Variants in ACBD3 observed in about 807,000 individuals in gnomAD.
ACBD3 encodes acyl-CoA binding domain containing 3.
ACBD3 carries 30 observed loss-of-function variants against 66.9 expected under a neutral mutation model. The ratio of observed to expected loss-of-function variants is 0.45; its 90% confidence interval spans 0.34 to 0.61. The LOEUF (loss-of-function observed/expected upper bound fraction) is 0.61. Ranked by LOEUF, ACBD3 falls within the 20% of genes least tolerant of loss-of-function variation. The pLI, the probability that ACBD3 is intolerant of heterozygous loss-of-function variation, is 0.02. For missense variants in ACBD3, 544 were observed against 664.5 expected (o/e 0.82, Z 1.99); for synonymous variants, 278 against 259.8 (o/e 1.07, Z -0.68).
intron 3 of ACBD3, among the ~76,000 whole-genome samples, chr1:226,161,984 C>T (rs1659783328): frequency 1.3e-5 from 2 of 152,150 alleles, no homozygotes; most frequent in South Asian, 4.1e-4. Flanking sequence ...AATATATGCT[C>T]ACAGCACTAA....
chr1:226,175,091 C>CAAAAAAAA (rs35201518), intron 1 of ACBD3, among the ~76,000 whole-genome samples: 8 of 75,984 alleles, frequency 1.1e-4, no homozygotes, highest in Admixed American at 1.6e-4. Context: ...GACTCCATCT[C>CAAAAAAAA]AAAAAAAAAA....
Position 226,172,155 on chromosome 1 carries a change from C to CAAAAAAAAAAAAAAAAAAA in ACBD3, c.287-6156_287-6155insTTTTTTTTTTTTTTTTTTT, listed in dbSNP as rs779380166. 4.4e-4 allele frequency among the ~76,000 whole-genome samples: 19 copies of CAAAAAAAAAAAAAAAAAAA among 43,220 alleles called. 3 individuals carry two copies. The East Asian group carries it at 0.019, about 43-fold the overall frequency. The allele number at this position is 43,220 out of a possible 152,430, so 28.4% of individuals were successfully genotyped here. Reference sequence around the variant, plus strand: ...GGGAAACAAGAGCAAAACTCCATCTCAAAAAAAAAAAAAAAGAGGAATACA... The same window carrying CAAAAAAAAAAAAAAAAAAA: ...GGGAAACAAGAGCAAAACTCCATCTCAAAAAAAAAAAAAAAAAAAAAAAAAAAAAAAAAAGAGGAATACA... On this transcript the variant is annotated intron_variant, in intron 1 of 7. Transcript: ENST00000366812.
chr1:226,174,235 G>A (rs897973052), intron 1 of ACBD3, among the ~76,000 whole-genome samples: 1 of 152,032 alleles, frequency 6.6e-6, no homozygotes, highest in Non-Finnish European at 1.5e-5. Flanking sequence ...TCCCAGAAGG[G>A]AACACAAGCA....
At chr1:226,149,132 T>G (rs1456483999) in intron 7 of ACBD3, among the ~76,000 whole-genome samples, 4 of 152,168 alleles carry the variant, frequency 2.6e-5, no homozygotes, top group African/African-American at 9.7e-5. Context: ...GACTAGGCAG[T>G]AACCACCTTT....
intron 7 of ACBD3, among the ~76,000 whole-genome samples, chr1:226,151,233 G>T (rs925090276): frequency 6.6e-6 from 1 of 152,148 alleles, no homozygotes; most frequent in Non-Finnish European, 1.5e-5. Context: ...AGAACAAGCA[G>T]TCTGTTTACA....
intron 7 of ACBD3, among the ~76,000 whole-genome samples, chr1:226,151,354 G>A (rs1035689918): frequency 6.6e-6 from 1 of 152,150 alleles, no homozygotes; most frequent in African/African-American, 2.4e-5. Flanking sequence ...TAAATTAAGT[G>A]CTTATTAAGT....
chr1:226,179,990 G>A (rs1263783263), intron 1 of ACBD3, among the ~76,000 whole-genome samples: 1 of 151,964 alleles, frequency 6.6e-6, no homozygotes, highest in Non-Finnish European at 1.5e-5. Flanking sequence ...AGCCAACATA[G>A]TGAAACCCTG....
At chr1:226,170,624 T>C (rs1210179974) in intron 1 of ACBD3, among the ~76,000 whole-genome samples, 2 of 152,146 alleles carry the variant, frequency 1.3e-5, no homozygotes, top group Admixed American at 6.6e-5. Flanking sequence ...CACAAAATTT[T>C]TTTTTGCTGC....
At chr1:226,168,242 C>T (rs2102784203) in intron 1 of ACBD3, among the ~76,000 whole-genome samples, 1 of 152,260 alleles carries the variant, frequency 6.6e-6, no homozygotes, top group Middle Eastern at 3.4e-3. Context: ...CTCAAAATAT[C>T]TGAATGTATT....
At chr1:226,161,760 G>C in intron 3 of ACBD3, 71 bp from the exon 4 acceptor site, 4 of 1,480,522 alleles carry the variant, frequency 2.7e-6, no homozygotes, top group Non-Finnish European at 3.6e-6. Context: ...TAGCTCCCAG[G>C]GAAAACTGAC....
chr1:226,171,687 G>A (rs1374910265), intron 1 of ACBD3, among the ~76,000 whole-genome samples: 6 of 151,622 alleles, frequency 4.0e-5, no homozygotes, highest in South Asian at 2.1e-4. Flanking sequence ...ACAGGTGTGC[G>A]CCACCGTGCC....
intron 1 of ACBD3, among the ~76,000 whole-genome samples, chr1:226,176,915 G>A (rs964471287): frequency 6.6e-6 from 1 of 152,140 alleles, no homozygotes; most frequent in Non-Finnish European, 1.5e-5. Flanking sequence ...TAGATAAATT[G>A]TTAGAAATTG....
chr1:226,170,333 A>ATTTTTTTTTT (rs71574563), intron 1 of ACBD3, among the ~76,000 whole-genome samples: 1 of 109,846 alleles, frequency 9.1e-6, no homozygotes, highest in Admixed American at 1.1e-4. Context: ...AATTTTTTGA[A>ATTTTTTTTTT]TTTTTTTTTT....
At chr1:226,160,195 G>A (rs565808985) in intron 4 of ACBD3, among the ~76,000 whole-genome samples, 6 of 151,580 alleles carry the variant, frequency 4.0e-5, no homozygotes, top group East Asian at 1.9e-4. Flanking sequence ...AGGTTCAAGC[G>A]ATTCTCCTGC....
rs1389500005 is a variant in ACBD3, at chr1:226,145,932, G to C, written c.*678C>G. The stretch of plus-strand genomic sequence containing the variant: ...GGATTCAAAGTTTGTGGAAGTTCCT[G>C]AAGAAAAATCTCTGAGGTGTTCTAC... On this transcript the variant is annotated 3_prime_UTR_variant, in exon 8 of 8. Coordinates refer to ENST00000366812, the MANE Select transcript of ACBD3 (RefSeq NM_022735.4). 1 of 152,470 alleles carries C rather than the reference G, an allele frequency of 6.6e-6. No individual in the cohort carries two copies. Among genetic ancestry groups the C allele is most frequent in the Non-Finnish European group, 1.5e-5 (1 of 68,034 alleles). 9.4% of individuals were successfully genotyped at this position (152,470 alleles called of 1,614,324 possible). A position where few individuals can be genotyped will look rare whatever the true frequency, so the allele number is the denominator to read the frequency against.
chr1:226,147,005 C>T (rs1447533724), intron 7 of ACBD3, among the ~76,000 whole-genome samples, 184 bp from the exon 8 acceptor site: 1 of 152,184 alleles, frequency 6.6e-6, no homozygotes, highest in Admixed American at 6.5e-5. Context: ...GATTCTCCTG[C>T]CTCAGCTTCC....
chr1:226,179,440 T>C (rs1448167663), intron 1 of ACBD3, among the ~76,000 whole-genome samples: 2 of 152,206 alleles, frequency 1.3e-5, no homozygotes, highest in African/African-American at 4.8e-5. Context: ...ATCTCTCTCT[T>C]TCCCTCATCC....
chr1:226,151,708 T>G (rs1306795477), intron 7 of ACBD3, among the ~76,000 whole-genome samples: 1 of 152,210 alleles, frequency 6.6e-6, no homozygotes, highest in Non-Finnish European at 1.5e-5. Flanking sequence ...ACTTGCTCCT[T>G]TAAAATTTTT....
chr1:226,168,948 C>T (rs1220799201), intron 1 of ACBD3, among the ~76,000 whole-genome samples: 5 of 151,928 alleles, frequency 3.3e-5, no homozygotes, highest in African/African-American at 7.3e-5. Flanking sequence ...CTGCAGCTTC[C>T]GTCTCTTGGG....
Sources: gnomAD v4.1 joint callset for allele counts (sites outside exome capture counted in the v4.1 genomes callset) on GRCh38, gnomAD v4.1.1 for gene constraint, MANE v1.5 for transcripts, NCBI Gene and HGNC (gene_info 2026-07-23, HGNC 2026-07-21) for gene names.